PTPRN2: variants seen among roughly 807,000 people sequenced by gnomAD.
PTPRN2 encodes the protein receptor-type tyrosine-protein phosphatase N2.
PTPRN2 carries 74 observed loss-of-function variants against 118.8 expected under a neutral mutation model. That is an observed-to-expected ratio of 0.62 (90% CI 0.52 to 0.76). The LOEUF is 0.76. PTPRN2 is among the 30% of genes least tolerant of loss of function. The pLI is 0.00. For synonymous variants in PTPRN2, 641 were observed against 608.0 expected (o/e 1.05, Z -0.80); for missense variants, 1,481 against 1,394.4 (o/e 1.06, Z -0.99).
Position 158,571,777 on chromosome 7 carries a change from T to A in PTPRN2, c.112+15781A>T, listed in dbSNP as rs373373018. Among the ~76,000 whole-genome samples the A allele has an allele frequency of 5.9e-5, 9 of 152,288 alleles. No homozygotes were observed. The East Asian group carries it at 9.6e-4, about 16-fold the overall frequency. On this transcript the variant is annotated intron_variant, in intron 1 of 22. Coordinates refer to ENST00000389418, the MANE Select transcript of PTPRN2 (RefSeq NM_002847.5). ...TCCAAAAAAATAAAAACCAATTTCA[T>A]TGCTGCTGTTTCCATTTCTTGGCAA...
chr7:157,800,745 G>A (rs1480853505), intron 12 of PTPRN2, among the ~76,000 whole-genome samples: 1 of 152,032 alleles, frequency 6.6e-6, no homozygotes, highest in Non-Finnish European at 1.5e-5. Flanking sequence ...GAGGTCAGGA[G>A]ATCGAGACCA....
chr7:158,071,310 CCCATGGTAGTGGAGGTGCCCA>C (rs1811503214), intron 11 of PTPRN2, among the ~76,000 whole-genome samples: 3 of 89,690 alleles, frequency 3.3e-5, no homozygotes, highest in African/African-American at 4.8e-5. Flanking sequence ...GGTGGAGGTG[CCCATGGTAGTGGAGGTGCCCA>C]TGGTGGTGGA....
chr7:158,385,427 T>C (rs1231099159), intron 2 of PTPRN2, among the ~76,000 whole-genome samples: 2 of 152,242 alleles, frequency 1.3e-5, no homozygotes, highest in African/African-American at 2.4e-5. Flanking sequence ...GCCTCTACTT[T>C]AAAATCTCAC....
intron 2 of PTPRN2, among the ~76,000 whole-genome samples, chr7:158,325,213 G>C (rs1803396403): frequency 1.3e-5 from 2 of 151,208 alleles, no homozygotes; most frequent in Admixed American, 1.3e-4. Flanking sequence ...CCCCCAGCCA[G>C]GAGCATCTTC....
At chr7:158,070,330 T>TA (rs1213211715) in intron 11 of PTPRN2, among the ~76,000 whole-genome samples, 1 of 125,872 alleles carries the variant, frequency 7.9e-6, no homozygotes, top group Non-Finnish European at 1.7e-5. Context: ...GTGCTCGTGG[T>TA]GTGGAGGTGC....
chr7:158,331,524 C>T (rs1804442313), intron 2 of PTPRN2, among the ~76,000 whole-genome samples: 2 of 147,638 alleles, frequency 1.4e-5, no homozygotes, highest in Non-Finnish European at 1.5e-5. Context: ...ACATCACTCA[C>T]ACCCACACTG....
intron 2 of PTPRN2, among the ~76,000 whole-genome samples, chr7:158,330,115 C>A (rs1290560464): frequency 5.6e-5 from 8 of 144,056 alleles, no homozygotes; most frequent in African/African-American, 1.5e-4. Context: ...ACACTCTCAC[C>A]ATAAGAGCTG....
chr7:158,418,648 C>T (rs1814991689), intron 2 of PTPRN2, among the ~76,000 whole-genome samples: 1 of 150,732 alleles, frequency 6.6e-6, no homozygotes, highest in Non-Finnish European at 1.5e-5. Context: ...CATCAAGATG[C>T]TGTAGCTCTC....
intron 11 of PTPRN2, among the ~76,000 whole-genome samples, chr7:158,005,029 G>A (rs548363543): frequency 3.3e-5 from 5 of 151,698 alleles, no homozygotes; most frequent in East Asian, 1.9e-4. Context: ...TGAGAAAATC[G>A]GCCTGGCACC....
rs867432574 is a variant in PTPRN2 at position 158,341,466 on chromosome 7, T to C, written c.164-24534A>G. On this transcript the variant is annotated intron_variant, in intron 2 of 22. Coordinates refer to ENST00000389418, the MANE Select transcript of PTPRN2 (RefSeq NM_002847.5). ...TAAGAGGTAACACCTTCAGACGTCA[T>C]TCACACCCACACTCTCACCATAATT... 1.1e-3 allele frequency among the ~76,000 whole-genome samples: 125 copies of C among 114,506 alleles called. 3 individuals carry two copies. The highest frequency in any genetic ancestry group is 4.8e-3 in the South Asian group (15 of 3,122). The allele number at this position is 114,506 out of a possible 152,430, so 75.1% of individuals were successfully genotyped here.
chr7:158,329,899 C>T (rs1055858917), intron 2 of PTPRN2, among the ~76,000 whole-genome samples: 1 of 152,132 alleles, frequency 6.6e-6, no homozygotes, highest in Non-Finnish European at 1.5e-5. Flanking sequence ...GTCACCATAG[C>T]TACATGGAGT....
At chr7:158,459,435 C>G (rs530382681) in intron 2 of PTPRN2, among the ~76,000 whole-genome samples, 2 of 152,008 alleles carry the variant, frequency 1.3e-5, no homozygotes, top group East Asian at 3.9e-4. Flanking sequence ...AATCCAGAGC[C>G]CCTGCCTGGG....
intron 2 of PTPRN2, among the ~76,000 whole-genome samples, chr7:158,484,714 G>T (rs1176603558): frequency 1.3e-5 from 2 of 152,162 alleles, no homozygotes; most frequent in Non-Finnish European, 2.9e-5. Context: ...TTGTGACTCG[G>T]TTTCTTCCTC....
In PTPRN2 at chr7:158,110,888, C is replaced by A; in HGVS notation, c.1584G>T (p.Arg528=). The change falls in exon 10 of 23, where the codon CGG becomes CGT. Residue 528 remains arginine (R), a synonymous_variant. Coordinates refer to ENST00000389418, the MANE Select transcript of PTPRN2 (RefSeq NM_002847.5). ...GGAGGCGGGCGACGTCCTCCACCAG[C>A]CGCCTTCCTTCCTCGGGGCGCAGGG... ...RDPLRPEEGR[R]LVEDVARLLQ... 1.3e-6 allele frequency: 2 copies of A among 1,581,538 alleles called. No homozygotes were observed. Among genetic ancestry groups the A allele is most frequent in the Non-Finnish European group, 1.7e-6 (2 of 1,164,024 alleles).
intron 11 of PTPRN2, among the ~76,000 whole-genome samples, chr7:157,963,825 G>T (rs780263577): frequency 6.6e-6 from 1 of 152,236 alleles, no homozygotes; most frequent in Non-Finnish European, 1.5e-5. Flanking sequence ...AATGGCCGGG[G>T]TTGCTACATT....
chr7:157,709,808 C>T (rs1001106626), intron 12 of PTPRN2, among the ~76,000 whole-genome samples: 4 of 152,198 alleles, frequency 2.6e-5, no homozygotes, highest in Non-Finnish European at 5.9e-5. Flanking sequence ...ACATACAAGT[C>T]GGATATTCTG....
At chr7:157,655,648 C>T (rs966967517) in intron 14 of PTPRN2, among the ~76,000 whole-genome samples, 3 of 152,154 alleles carry the variant, frequency 2.0e-5, no homozygotes, top group East Asian at 1.9e-4. Context: ...GTCTCCAGTG[C>T]GGGAAACAGC....
chr7:157,998,489 T>C (rs1210440286), intron 11 of PTPRN2, among the ~76,000 whole-genome samples: 1 of 152,202 alleles, frequency 6.6e-6, no homozygotes, highest in Non-Finnish European at 1.5e-5. Context: ...GATGCTGTGT[T>C]GGACAGAGTC....
At chr7:157,727,686 T>A (rs1416880485) in intron 12 of PTPRN2, among the ~76,000 whole-genome samples, 1 of 152,150 alleles carries the variant, frequency 6.6e-6, no homozygotes, top group Non-Finnish European at 1.5e-5. Flanking sequence ...CCATTTTCTG[T>A]TTTGTGTCGT....
Sources: allele counts gnomAD v4.1 joint callset (sites outside exome capture counted in the v4.1 genomes callset), GRCh38; gene constraint gnomAD v4.1.1; transcripts MANE v1.5; gene names NCBI Gene and HGNC (gene_info 2026-07-23, HGNC 2026-07-21).